Variants in PRKCE observed in about 807,000 individuals in gnomAD.
PRKCE encodes the protein protein kinase C epsilon, also known as protein kinase C epsilon type.
Under a neutral mutation model 85.4 loss-of-function variants are expected in PRKCE, and 16 were observed. That is an observed-to-expected ratio of 0.19 (90% CI 0.13 to 0.28). The LOEUF (loss-of-function observed/expected upper bound fraction) is 0.28, where lower values mean the gene tolerates loss of function less well. Ranked by LOEUF, PRKCE falls within the 10% of genes least tolerant of loss-of-function variation. PRKCE has a pLI of 1.00. For missense variants in PRKCE, 573 were observed against 975.2 expected (o/e 0.59, Z 5.49); for synonymous variants, 388 against 371.5 (o/e 1.04, Z -0.51).
intron 2 of PRKCE, among the ~76,000 whole-genome samples, chr2:45,949,841 A>T (rs918894741): frequency 9.5e-5 from 14 of 146,820 alleles, no homozygotes; most frequent in African/African-American, 2.0e-4. Flanking sequence ...AATTGCTTTG[A>T]CTGTGAAATT....
At chr2:45,653,296 G>T (rs1248492975) in intron 1 of PRKCE, among the ~76,000 whole-genome samples, 12 of 149,342 alleles carry the variant, frequency 8.0e-5, no homozygotes, top group African/African-American at 3.0e-4. Context: ...TAAACCAAAT[G>T]CATCCAGTCT....
At chr2:46,174,737 G>A (rs1679259840) in intron 14 of PRKCE, among the ~76,000 whole-genome samples, 1 of 152,136 alleles carries the variant, frequency 6.6e-6, no homozygotes. Flanking sequence ...CACCCAGGCT[G>A]GAGGGCAGTG....
chr2:46,062,891 A>G (rs571580591), intron 10 of PRKCE, among the ~76,000 whole-genome samples: 1 of 152,162 alleles, frequency 6.6e-6, no homozygotes, highest in South Asian at 2.1e-4. Context: ...AGCTTCCCAA[A>G]ATGCTGGGAT....
intron 2 of PRKCE, among the ~76,000 whole-genome samples, chr2:45,929,014 C>T (rs898659185): frequency 6.6e-6 from 1 of 151,954 alleles, no homozygotes; most frequent in African/African-American, 2.4e-5. Context: ...TGGAATTGTG[C>T]GTTCTTTCTT....
chr2:45,969,309 C>G (rs907349057), intron 2 of PRKCE, among the ~76,000 whole-genome samples: 1 of 152,152 alleles, frequency 6.6e-6, no homozygotes, highest in Non-Finnish European at 1.5e-5. Flanking sequence ...TTCACCCCTT[C>G]TGCAGTGAGG....
chr2:45,670,076 C>T (rs1676085355), intron 1 of PRKCE, among the ~76,000 whole-genome samples: 1 of 152,156 alleles, frequency 6.6e-6, no homozygotes, highest in African/African-American at 2.4e-5. Flanking sequence ...ATCAGTCATA[C>T]ATAGATGTGT....
intron 2 of PRKCE, among the ~76,000 whole-genome samples, chr2:45,955,896 C>T (rs371373814): frequency 5.9e-5 from 9 of 152,206 alleles, no homozygotes; most frequent in African/African-American, 1.9e-4. Context: ...TAACCATTAT[C>T]GCAATAAAAA....
At chr2:45,681,427 C>T (rs1572925219) in intron 1 of PRKCE, among the ~76,000 whole-genome samples, 1 of 151,272 alleles carries the variant, frequency 6.6e-6, no homozygotes, top group East Asian at 1.9e-4. Flanking sequence ...TTTAAAATCA[C>T]CATTTGGAAA....
At chr2:45,858,380 T>C (rs1692853610) in intron 2 of PRKCE, among the ~76,000 whole-genome samples, 1 of 152,100 alleles carries the variant, frequency 6.6e-6, no homozygotes, top group Non-Finnish European at 1.5e-5. Flanking sequence ...ATGGGGTTTT[T>C]TTTTGACTTA....
intron 2 of PRKCE, among the ~76,000 whole-genome samples, chr2:45,925,495 C>G (rs912540521): frequency 6.6e-6 from 1 of 152,080 alleles, no homozygotes; most frequent in Non-Finnish European, 1.5e-5. Context: ...GGGGTTTCAC[C>G]ATGTTGGCCA....
chr2:45,669,397 G>A (rs567156473), intron 1 of PRKCE, among the ~76,000 whole-genome samples: 2 of 152,192 alleles, frequency 1.3e-5, no homozygotes, highest in Non-Finnish European at 1.5e-5. Context: ...TTTAGAACCC[G>A]GAGGGAGCAC....
At chr2:45,743,724 A>G (rs1322208006) in intron 1 of PRKCE, among the ~76,000 whole-genome samples, 1 of 152,194 alleles carries the variant, frequency 6.6e-6, no homozygotes. Context: ...TGCCCTAAGC[A>G]GGAGGTTTTT....
chr2:45,924,788 G>C (rs1330514800), intron 2 of PRKCE, among the ~76,000 whole-genome samples: 1 of 152,244 alleles, frequency 6.6e-6, no homozygotes, highest in African/African-American at 2.4e-5. Context: ...GAGTTGCATG[G>C]AAATTAATTC....
At chr2:45,998,196 ATGT>A (rs1704372860) in intron 6 of PRKCE, among the ~76,000 whole-genome samples, 3 of 152,042 alleles carry the variant, frequency 2.0e-5, no homozygotes, top group Admixed American at 2.0e-4. Flanking sequence ...CAGTTGATTA[ATGT>A]TGCTGTTGAT....
chr2:45,993,231 C>T (rs1199761393), intron 6 of PRKCE, among the ~76,000 whole-genome samples: 2 of 152,196 alleles, frequency 1.3e-5, no homozygotes, highest in East Asian at 3.9e-4. Flanking sequence ...CAGGGACGCC[C>T]ACTGTCCTTT....
intron 2 of PRKCE, among the ~76,000 whole-genome samples, chr2:45,854,553 T>C (rs919092193): frequency 3.6e-4 from 55 of 152,228 alleles, no homozygotes; most frequent in African/African-American, 1.2e-3. Flanking sequence ...AACCAGCCTA[T>C]TGAAGGTAAA....
chr2:46,089,329 G>C (rs1014384745), intron 11 of PRKCE, among the ~76,000 whole-genome samples: 2 of 152,052 alleles, frequency 1.3e-5, no homozygotes, highest in Non-Finnish European at 2.9e-5. Flanking sequence ...CCCCACACAA[G>C]ATCTCTTCCG....
chr2:45,672,885 G>A (rs1403984682), intron 1 of PRKCE, among the ~76,000 whole-genome samples: 1 of 152,062 alleles, frequency 6.6e-6, no homozygotes, highest in Non-Finnish European at 1.5e-5. Context: ...AATTAGCTGG[G>A]TGTGGTGGCA....
intron 1 of PRKCE, among the ~76,000 whole-genome samples, chr2:45,841,210 G>C (rs770279064): frequency 1.2e-4 from 18 of 152,192 alleles, no homozygotes; most frequent in Non-Finnish European, 2.5e-4. Context: ...TATATGAAGG[G>C]GAGTTTATTA....
Sources: allele counts gnomAD v4.1 joint callset (sites outside exome capture counted in the v4.1 genomes callset), GRCh38; gene constraint gnomAD v4.1.1; transcripts MANE v1.5; gene names NCBI Gene and HGNC (gene_info 2026-07-23, HGNC 2026-07-21).